Variants in NBPF12 observed in about 807,000 individuals in gnomAD.
The protein encoded by NBPF12 is NBPF member 12, also known as NBPF family member NBPF12.
A neutral mutation model predicts 146.4 loss-of-function variants in NBPF12; 115 were observed. The observed-to-expected ratio is 0.79, with a 90% CI of 0.68 to 0.92. NBPF12 has a LOEUF of 0.92. NBPF12 is among the 40% of genes least tolerant of loss of function. The probability of loss-of-function intolerance (pLI) is 0.00; values close to 1 mark genes in which losing one functional copy is unlikely to be tolerated. For missense variants in NBPF12, 1,205 were observed against 1,326.8 expected, an observed-to-expected ratio of 0.91 and a Z score of 1.43; for synonymous variants, 385 against 508.9, an observed-to-expected ratio of 0.76 and a Z score of 3.28.
intron 14 of NBPF12, among the ~76,000 whole-genome samples, chr1:146,973,680 C>G (rs1656805335): frequency 6.7e-6 from 1 of 148,442 alleles, no homozygotes; most frequent in African/African-American, 2.6e-5. Context: ...CACCCCTGCT[C>G]AGGAGGCTGA....
At chr1:146,967,913 T>C (rs1417353898) in intron 9 of NBPF12, among the ~76,000 whole-genome samples, 2 of 145,748 alleles carry the variant, frequency 1.4e-5, no homozygotes, top group Non-Finnish European at 3.0e-5. Context: ...CATGGCCTTA[T>C]GGTGTTATGT....
chr1:146,989,376 C>G (rs201178604), intron 27 of NBPF12, among the ~76,000 whole-genome samples, 198 bp from the exon 31 acceptor site: 4 of 145,544 alleles, frequency 2.7e-5, no homozygotes, highest in Non-Finnish European at 6.0e-5. Context: ...CTCTGTCTCT[C>G]TCTCTCTGTC....
chr1:146,972,161 G>A (rs1296749074), intron 13 of NBPF12, among the ~76,000 whole-genome samples: 2 of 150,634 alleles, frequency 1.3e-5, no homozygotes, highest in Admixed American at 6.6e-5. Flanking sequence ...TTGGGAGGCG[G>A]AGGTAGGTGG....
At chr1:146,952,871 ATCTG>A (rs1655386593) in intron 2 of NBPF12, among the ~76,000 whole-genome samples, 1 of 151,182 alleles carries the variant, frequency 6.6e-6, no homozygotes, top group African/African-American at 2.4e-5. Flanking sequence ...CAATAGCTGC[ATCTG>A]TCTATTACTT....
chr1:146,969,910 G>T (rs1553886133), intron 11 of NBPF12, among the ~76,000 whole-genome samples: 1 of 150,570 alleles, frequency 6.6e-6, no homozygotes. Context: ...AGAGCTCTGG[G>T]CTAAGAATGA....
chr1:146,960,921 G>A (rs1655808403), intron 4 of NBPF12, among the ~76,000 whole-genome samples: 1 of 152,138 alleles, frequency 6.6e-6, no homozygotes, highest in East Asian at 1.9e-4. Flanking sequence ...GCTGAGGCGG[G>A]CAGAGCACGA....
At chr1:146,994,556 G>A (rs1300362893) in exon 34 of NBPF12, 3 of 1,609,488 alleles carry the variant, frequency 1.9e-6, no homozygotes, top group Middle Eastern at 2.3e-4. Context: ...TTCCAGATGG[G>A]AGTCATATTC....
chr1:146,992,462 C>CTCTCTCTCTG (rs1450490306), intron 31 of NBPF12, among the ~76,000 whole-genome samples: 19 of 66,276 alleles, frequency 2.9e-4, no homozygotes, highest in African/African-American at 1.2e-3. Flanking sequence ...CTCTCTCTCT[C>CTCTCTCTCTG]TGTGTGTGTG....
intron 2 of NBPF12, among the ~76,000 whole-genome samples, chr1:146,943,902 T>C (rs1654909788): frequency 1.4e-5 from 2 of 144,274 alleles, no homozygotes; most frequent in South Asian, 4.8e-4. Flanking sequence ...GTTTCCACCC[T>C]GCTGTCCTCT....
chr1:146,969,669 A>G lies in NBPF12; in HGVS notation c.1306+73A>G, dbSNP rs1490360391. 1,773 of 1,524,818 alleles carry G rather than the reference A, an allele frequency of 1.2e-3. 36 individuals are homozygous for G. The South Asian group carries it at 0.018, about 15-fold the overall frequency. 94.5% of individuals were successfully genotyped at this position (1,524,818 alleles called of 1,614,324 possible). On this transcript the variant is annotated intron_variant, in intron 11 of 33. Transcript: ENST00000617844. ...AGGCTCCAGACCTCCATACTTTCAC[A>G]ATGACAGTTGTATCAGTGGGGTTTT... is the stretch of plus-strand genomic sequence containing the variant.
exon 13 of NBPF12, chr1:146,971,322 G>A (rs1656596541): frequency 2.5e-6 from 4 of 1,612,152 alleles, no homozygotes; most frequent in East Asian, 4.5e-5. Flanking sequence ...GGAAGACAAA[G>A]TCAACTCATC....
chr1:146,939,496 A>G (rs1257603948), intron 1 of NBPF12, among the ~76,000 whole-genome samples: 3 of 151,956 alleles, frequency 2.0e-5, no homozygotes, highest in Non-Finnish European at 4.4e-5. Context: ...CGATCACTGA[A>G]TCACCTCATG....
chr1:146,958,043 T>TTA (rs1253281000), intron 2 of NBPF12, among the ~76,000 whole-genome samples: 5 of 109,520 alleles, frequency 4.6e-5, no homozygotes, highest in African/African-American at 1.3e-4. Flanking sequence ...TGTATATATA[T>TTA]TATATACATA....
rs1333424081 is a variant in NBPF12, at chr1:146,964,355, A to G, written c.494-2A>G. On this transcript the variant is annotated splice_acceptor_variant, in intron 6 of 33. Coordinates refer to ENST00000617844, the Ensembl canonical transcript of NBPF12. LOFTEE classifies it high-confidence loss of function. ...ATCTGAATGAACATTTTGTATTTAT[A>G]GAAAATGATGAAGATGAGGATGAAG... The G allele has an allele frequency of 1.2e-6, 2 of 1,603,170 alleles. No individual in the cohort carries two copies. Among genetic ancestry groups the G allele is most frequent in the African/African-American group, 2.7e-5 (2 of 74,334 alleles).
intron 9 of NBPF12, 30 bp downstream of exon 12, chr1:146,966,703 G>A: frequency 3.4e-6 from 4 of 1,170,012 alleles, no homozygotes; most frequent in Non-Finnish European, 5.2e-6. Context: ...CATCACGAAA[G>A]TGATGAACAA....
Position 146,964,435 on chromosome 1 carries a change from A to T in NBPF12, c.566+6A>T, listed in dbSNP as rs1656060298. 6 of 1,599,834 alleles carry T rather than the reference A, an allele frequency of 3.8e-6. No homozygotes were observed. The East Asian group carries it at 1.1e-4, about 30-fold the overall frequency. On this transcript the variant is annotated splice_donor_region_variant and intron_variant, in intron 7 of 33. Transcript: ENST00000617844. Reference sequence around the variant, plus strand: ...CTGGAATCATCTGCCCCCAGGTAACACTGAATACTCAGGAGCAAGTAATGG... The same window carrying T: ...CTGGAATCATCTGCCCCCAGGTAACTCTGAATACTCAGGAGCAAGTAATGG...
exon 34 of NBPF12, chr1:146,994,378 G>T (rs782232107): frequency 6.2e-7 from 1 of 1,612,310 alleles, no homozygotes; most frequent in South Asian, 1.1e-5. Context: ...AGTCTTGCAG[G>T]ACTCACTGGA....
exon 14 of NBPF12, chr1:146,972,815 C>G (rs1553886783): frequency 7.3e-7 from 1 of 1,371,236 alleles, no homozygotes; most frequent in Non-Finnish European, 1.0e-6. Flanking sequence ...CTTTGTCCAG[C>G]GAGAAGGCAG....
chr1:146,970,919 C>T (rs1460527556), intron 12 of NBPF12, among the ~76,000 whole-genome samples, 200 bp downstream of exon 15: 1 of 151,398 alleles, frequency 6.6e-6, no homozygotes, highest in Non-Finnish European at 1.5e-5. Context: ...CTGTACCATA[C>T]AGGGATAGCT....
Sources: gnomAD v4.1 joint callset for allele counts (sites outside exome capture counted in the v4.1 genomes callset) on GRCh38, gnomAD v4.1.1 for gene constraint, MANE v1.5 for transcripts, NCBI Gene and HGNC (gene_info 2026-07-23, HGNC 2026-07-21) for gene names.